The following RAD51B variants were observed in gnomAD, a reference collection of about 807,000 sequenced individuals.
RAD51B encodes the protein RAD51 paralog B.
RAD51B carries 38 observed loss-of-function variants against 42.2 expected under a neutral mutation model. The ratio of observed to expected loss-of-function variants is 0.90; its 90% confidence interval spans 0.70 to 1.18. The LOEUF is 1.18. RAD51B is among the 50% of genes most tolerant of loss of function. The probability of loss-of-function intolerance (pLI) is 0.00; values close to 1 mark genes in which losing one functional copy is unlikely to be tolerated. For missense variants in RAD51B, 373 were observed against 400.7 expected (o/e 0.93, Z 0.59); for synonymous variants, 154 against 145.2 (o/e 1.06, Z -0.43).
chr14:68,014,130 A>G (rs1294633511), intron 7 of RAD51B, among the ~76,000 whole-genome samples: 1 of 151,152 alleles, frequency 6.6e-6, no homozygotes, highest in African/African-American at 2.4e-5. Context: ...TTAAATCTCC[A>G]TTATTATGAA....
At chr14:68,268,592 A>G (rs1264066767) in intron 7 of RAD51B, among the ~76,000 whole-genome samples, 1 of 152,226 alleles carries the variant, frequency 6.6e-6, no homozygotes, top group African/African-American at 2.4e-5. Flanking sequence ...TTCACCTGAG[A>G]TAGTGATGAA....
intron 11 of RAD51B, among the ~76,000 whole-genome samples, chr14:68,667,434 TTGA>T (rs879675026): frequency 0.084 from 12,758 of 152,210 alleles, 600 homozygotes; most frequent in Middle Eastern, 0.13. Flanking sequence ...GTTGTAAATG[TTGA>T]CTTTATTGTA....
intron 7 of RAD51B, among the ~76,000 whole-genome samples, chr14:68,228,853 T>C (rs1449046024): frequency 6.6e-6 from 1 of 152,228 alleles, no homozygotes; most frequent in Non-Finnish European, 1.5e-5. Context: ...TTAATCTAAA[T>C]GATTGCTAAG....
At chr14:68,524,659 T>C (rs1204222491) in intron 10 of RAD51B, among the ~76,000 whole-genome samples, 5 of 152,216 alleles carry the variant, frequency 3.3e-5, no homozygotes, top group African/African-American at 1.2e-4. Context: ...GTAGTCGCTG[T>C]TCAGAAGGAT....
At chr14:68,047,973 T>C (rs934509861) in intron 7 of RAD51B, among the ~76,000 whole-genome samples, 3 of 152,192 alleles carry the variant, frequency 2.0e-5, no homozygotes, top group Non-Finnish European at 4.4e-5. Context: ...AAGTTCTAAA[T>C]TGTGGAAAAG....
chr14:67,892,920 A>T (rs1429137577), intron 7 of RAD51B, among the ~76,000 whole-genome samples: 4 of 152,146 alleles, frequency 2.6e-5, no homozygotes, highest in African/African-American at 9.7e-5. Context: ...GGAATCTTGC[A>T]CCTGGTTTCT....
At chr14:68,610,219 A>G (rs1477908490) in intron 10 of RAD51B, among the ~76,000 whole-genome samples, 1 of 152,074 alleles carries the variant, frequency 6.6e-6, no homozygotes, top group Non-Finnish European at 1.5e-5. Flanking sequence ...CTCAAAACCC[A>G]GCATTCTCTT....
At chr14:67,926,694 G>A (rs1017166907) in intron 7 of RAD51B, among the ~76,000 whole-genome samples, 3 of 150,238 alleles carry the variant, frequency 2.0e-5, no homozygotes, top group African/African-American at 7.4e-5. Context: ...CTCCCAAGTA[G>A]CTGGGACAAC....
chr14:68,562,907 A>C lies in RAD51B; in HGVS notation c.1037-31578A>C, dbSNP rs781225802. On this transcript the variant is annotated intron_variant, in intron 10 of 10. Transcript: ENST00000487270. Reference sequence around the variant, plus strand: ...TCTGGGCACCTTCTGGATGGAGCCCATTGCCTCCACATCCAAACATGGACC... The same window carrying C: ...TCTGGGCACCTTCTGGATGGAGCCCCTTGCCTCCACATCCAAACATGGACC... The C allele has an allele frequency of 7.1e-6, 7 of 985,320 alleles. No homozygotes were observed. The African/African-American group carries it at 1.2e-4, about 17-fold the overall frequency. 61.0% of individuals were successfully genotyped at this position (985,320 alleles called of 1,614,324 possible).
At chr14:67,961,412 G>C (rs2074663718) in intron 7 of RAD51B, among the ~76,000 whole-genome samples, 2 of 152,186 alleles carry the variant, frequency 1.3e-5, no homozygotes, top group African/African-American at 4.8e-5. Flanking sequence ...AAGTAGGAGA[G>C]GTTTTCATTC....
At chr14:68,248,470 G>C (rs1479290105) in intron 7 of RAD51B, among the ~76,000 whole-genome samples, 2 of 150,756 alleles carry the variant, frequency 1.3e-5, no homozygotes, top group African/African-American at 4.9e-5. Flanking sequence ...CTTCATGTTT[G>C]GAAAGAAAAA....
intron 8 of RAD51B, among the ~76,000 whole-genome samples, chr14:68,338,074 G>A (rs1480230673): frequency 6.6e-6 from 1 of 152,076 alleles, no homozygotes; most frequent in Non-Finnish European, 1.5e-5. Flanking sequence ...TTATAGTCAT[G>A]AGCCACCGTG....
intron 7 of RAD51B, among the ~76,000 whole-genome samples, chr14:68,047,829 G>A (rs761604965): frequency 1.3e-5 from 2 of 152,118 alleles, no homozygotes; most frequent in Non-Finnish European, 2.9e-5. Context: ...AAAGCTAGAC[G>A]TTTTTCATGG....
intron 9 of RAD51B, among the ~76,000 whole-genome samples, chr14:68,460,716 C>T (rs972789691): frequency 7.9e-5 from 12 of 152,312 alleles, no homozygotes; most frequent in African/African-American, 1.9e-4. Flanking sequence ...CTTTCTGAGC[C>T]TCTTGGAAGT....
At chr14:68,381,332 G>T (rs1437810925) in intron 8 of RAD51B, among the ~76,000 whole-genome samples, 1 of 152,058 alleles carries the variant, frequency 6.6e-6, no homozygotes, top group African/African-American at 2.4e-5. Flanking sequence ...AGCAATATTG[G>T]TCTATTTCCT....
At chr14:68,020,885 C>A (rs928759205) in intron 7 of RAD51B, among the ~76,000 whole-genome samples, 1 of 152,092 alleles carries the variant, frequency 6.6e-6, no homozygotes, top group African/African-American at 2.4e-5. Flanking sequence ...TATATGTTTG[C>A]AGCATGATTT....
At chr14:67,938,983 G>A (rs1392325558) in intron 7 of RAD51B, among the ~76,000 whole-genome samples, 1 of 152,202 alleles carries the variant, frequency 6.6e-6, no homozygotes, top group African/African-American at 2.4e-5. Context: ...ATTTGTTGTT[G>A]TTGTTGACCA....
chr14:68,632,652 C>G (rs1892254915), intron 10 of RAD51B, among the ~76,000 whole-genome samples: 2 of 152,230 alleles, frequency 1.3e-5, no homozygotes, highest in Admixed American at 6.5e-5. Context: ...TGACCTAACA[C>G]ACCATGCCCC....
At chr14:68,610,561 A>T (rs1326613130) in intron 10 of RAD51B, among the ~76,000 whole-genome samples, 1 of 152,194 alleles carries the variant, frequency 6.6e-6, no homozygotes, top group Non-Finnish European at 1.5e-5. Context: ...ATGTTGCCTG[A>T]GTCCCTGCCA....
Sources: gnomAD v4.1 joint callset for allele counts (sites outside exome capture counted in the v4.1 genomes callset) on GRCh38, gnomAD v4.1.1 for gene constraint, MANE v1.5 for transcripts, NCBI Gene and HGNC (gene_info 2026-07-23, HGNC 2026-07-21) for gene names.